The following AUH variants were observed in gnomAD, a reference collection of about 807,000 sequenced individuals.
The protein encoded by AUH is methylglutaconyl-CoA hydratase, mitochondrial.
In AUH, 29 loss-of-function variants were observed where a neutral mutation model predicts 42.3. The observed-to-expected ratio is 0.69, with a 90% CI of 0.51 to 0.93. The LOEUF is 0.93. AUH is among the 40% of genes least tolerant of loss of function. The pLI is 0.00. For missense variants in AUH, 452 were observed against 438.1 expected, an observed-to-expected ratio of 1.03 and a Z score of -0.28; for synonymous variants, 174 against 166.4, an observed-to-expected ratio of 1.05 and a Z score of -0.35.
intron 3 of AUH, 76 bp downstream of exon 3, chr9:91,355,807 T>C (rs1248828865): frequency 1.5e-6 from 2 of 1,350,370 alleles, no homozygotes; most frequent in Non-Finnish European, 2.1e-6. Context: ...CCAAAGAACA[T>C]TCTAATGGAA....
intron 6 of AUH, among the ~76,000 whole-genome samples, chr9:91,282,461 G>A (rs1463511152): frequency 1.3e-5 from 2 of 152,132 alleles, no homozygotes; most frequent in African/African-American, 4.8e-5. Flanking sequence ...GTTCACGGCT[G>A]TATCCCCAGT....
chr9:91,361,157 G>A (rs1040521572), intron 1 of AUH, among the ~76,000 whole-genome samples: 9 of 152,214 alleles, frequency 5.9e-5, no homozygotes, highest in Admixed American at 1.3e-4. Flanking sequence ...AAATGAACAA[G>A]AGGAAAAATT....
chr9:91,257,770 A>C (rs1829485321), intron 6 of AUH, among the ~76,000 whole-genome samples: 1 of 152,228 alleles, frequency 6.6e-6, no homozygotes, highest in Admixed American at 6.5e-5. Flanking sequence ...TCAAAATTTT[A>C]GAACCACCTT....
chr9:91,353,672 T>C (rs2132065255), intron 3 of AUH, among the ~76,000 whole-genome samples: 1 of 151,910 alleles, frequency 6.6e-6, no homozygotes, highest in South Asian at 2.1e-4. Context: ...ACCCTGTCTC[T>C]ACTAAAAATA....
chr9:91,233,289 G>C (rs950682026), intron 6 of AUH, among the ~76,000 whole-genome samples: 1 of 152,186 alleles, frequency 6.6e-6, no homozygotes, highest in African/African-American at 2.4e-5. Context: ...TCTGGGGAAT[G>C]CATCTCCAGG....
chr9:91,343,353 T>C (rs1242167789), intron 3 of AUH: 1 of 151,754 alleles, frequency 6.6e-6, no homozygotes, highest in African/African-American at 2.4e-5. Context: ...AATCAATGAA[T>C]AGAAAGAAAA....
chr9:91,268,977 T>A (rs1437660327), intron 6 of AUH, among the ~76,000 whole-genome samples: 2 of 148,012 alleles, frequency 1.4e-5, no homozygotes, highest in Non-Finnish European at 3.0e-5. Flanking sequence ...ATTCAGATAA[T>A]TAACACTTTC....
At chr9:91,240,242 C>T (rs1172591257) in intron 6 of AUH, among the ~76,000 whole-genome samples, 1 of 152,202 alleles carries the variant, frequency 6.6e-6, no homozygotes, top group African/African-American at 2.4e-5. Context: ...CCATGGTGTG[C>T]ATCTGTCCAT....
intron 6 of AUH, among the ~76,000 whole-genome samples, chr9:91,250,074 A>G (rs1033850503): frequency 4.7e-5 from 7 of 150,106 alleles, no homozygotes; most frequent in African/African-American, 1.5e-4. Flanking sequence ...TTTTAGAAAG[A>G]AGGAAAAAAA....
At chr9:91,358,879 T>C (rs897821962) in intron 1 of AUH, among the ~76,000 whole-genome samples, 4 of 152,246 alleles carry the variant, frequency 2.6e-5, no homozygotes, top group Non-Finnish European at 5.9e-5. Flanking sequence ...TGTAGGCTTT[T>C]GGTATTCTAA....
intron 3 of AUH, among the ~76,000 whole-genome samples, chr9:91,329,596 T>C (rs879740865): frequency 1.3e-5 from 2 of 152,212 alleles, no homozygotes; most frequent in Non-Finnish European, 2.9e-5. Flanking sequence ...ATCAGGTAAT[T>C]TGTTTTCTCC....
At chr9:91,345,744 A>T (rs1472247354) in intron 3 of AUH, among the ~76,000 whole-genome samples, 1 of 151,454 alleles carries the variant, frequency 6.6e-6, no homozygotes. Flanking sequence ...GAGGCAGGAG[A>T]ATGGTGTGAA....
intron 3 of AUH, among the ~76,000 whole-genome samples, chr9:91,339,954 G>A (rs1830981649): frequency 6.6e-6 from 1 of 152,176 alleles, no homozygotes. Flanking sequence ...AATTTACAGG[G>A]CAGATAAATG....
intron 3 of AUH, among the ~76,000 whole-genome samples, chr9:91,349,623 T>C (rs1483958530): frequency 1.3e-5 from 2 of 151,690 alleles, no homozygotes; most frequent in Admixed American, 1.3e-4. Context: ...AGAATTGTTT[T>C]GACTTGTGTG....
At position 91,220,828 on chromosome 9, in the gene AUH, G is replaced by A; in HGVS notation, c.820C>T (p.Leu274=). The A allele has an allele frequency of 1.2e-6, 2 of 1,614,222 alleles. No individual in the cohort carries two copies. The highest frequency in any genetic ancestry group is 1.7e-6 in the Non-Finnish European group (2 of 1,180,048). The part of the protein sequence containing the change: ...GDAAYRKALD[L]AREFLPQGPV... Reference sequence around the variant, plus strand: ...ACCTGAGGTAAAAACTCTCTCGCCAGGTCCAAGGCCTTCCTGTAGGCCGCG... The same window carrying A: ...ACCTGAGGTAAAAACTCTCTCGCCAAGTCCAAGGCCTTCCTGTAGGCCGCG... The change falls in exon 7 of 10, where the codon CTG becomes TTG. Residue 274 remains leucine (L), a synonymous_variant. Transcript: ENST00000375731.
intron 3 of AUH, among the ~76,000 whole-genome samples, chr9:91,347,119 C>T (rs80155472): frequency 2.1e-4 from 32 of 152,212 alleles, no homozygotes; most frequent in African/African-American, 7.2e-4. Context: ...TCACTGCAGC[C>T]TCAATATCTC....
chr9:91,254,015 C>T (rs539334156), intron 6 of AUH, among the ~76,000 whole-genome samples: 1 of 152,126 alleles, frequency 6.6e-6, no homozygotes, highest in Non-Finnish European at 1.5e-5. Flanking sequence ...CAACTAATTA[C>T]GATGGAAATA....
At chr9:91,263,544 T>C (rs1342076602) in intron 6 of AUH, among the ~76,000 whole-genome samples, 13 of 152,220 alleles carry the variant, frequency 8.5e-5, no homozygotes, top group Admixed American at 7.9e-4. Context: ...AACTTCATTA[T>C]AGGTCTAGAT....
At chr9:91,236,336 G>A (rs951762293) in intron 6 of AUH, among the ~76,000 whole-genome samples, 5 of 152,118 alleles carry the variant, frequency 3.3e-5, no homozygotes, top group Admixed American at 6.5e-5. Flanking sequence ...AATACCAACC[G>A]TTGACATTAC....
Sources: allele counts gnomAD v4.1 joint callset (sites outside exome capture counted in the v4.1 genomes callset), GRCh38; gene constraint gnomAD v4.1.1; transcripts MANE v1.5; gene names NCBI Gene and HGNC (gene_info 2026-07-23, HGNC 2026-07-21).